The following COL26A1 variants were observed in gnomAD, a reference collection of about 807,000 sequenced individuals.
COL26A1 encodes collagen type XXVI alpha 1 chain.
A neutral mutation model predicts 59.3 loss-of-function variants in COL26A1; 41 were observed. That is an observed-to-expected ratio of 0.69 (90% confidence interval 0.54 to 0.90). The LOEUF (loss-of-function observed/expected upper bound fraction) is 0.90. COL26A1 is among the 40% of genes least tolerant of loss of function. The pLI is 0.00. For synonymous variants in COL26A1, 266 were observed against 256.0 expected, an observed-to-expected ratio of 1.04 and a Z score of -0.37; for missense variants, 612 against 602.3, an observed-to-expected ratio of 1.02 and a Z score of -0.17.
intron 3 of COL26A1, among the ~76,000 whole-genome samples, chr7:101,492,919 G>T (rs1454584164): frequency 1.3e-5 from 2 of 151,386 alleles, no homozygotes; most frequent in Non-Finnish European, 2.9e-5. Context: ...TTTGATAGGG[G>T]TCTTGCTGTG....
At chr7:101,410,363 G>A (rs937884903) in intron 1 of COL26A1, among the ~76,000 whole-genome samples, 5 of 152,166 alleles carry the variant, frequency 3.3e-5, no homozygotes, top group South Asian at 2.1e-4. Context: ...TTGTTTTACC[G>A]TACCTGCATC....
chr7:101,398,323 T>C (rs1414442684), intron 1 of COL26A1, among the ~76,000 whole-genome samples: 2 of 152,182 alleles, frequency 1.3e-5, no homozygotes, highest in Non-Finnish European at 1.5e-5. Flanking sequence ...TTAGCCAATG[T>C]CACCTGGGAA....
At chr7:101,391,854 CTTTCTTTTCTTTTCT>C (rs139380820) in intron 1 of COL26A1, among the ~76,000 whole-genome samples, 57 of 149,352 alleles carry the variant, frequency 3.8e-4, no homozygotes, top group Admixed American at 7.4e-4. Context: ...CATGCCAAGC[CTTTCTTTTCTTTTCT>C]TTTCTTTTCT....
chr7:101,377,117 G>C (rs10281669), intron 1 of COL26A1, among the ~76,000 whole-genome samples: 9,051 of 152,046 alleles, frequency 0.06, 602 homozygotes, highest in African/African-American at 0.16. Context: ...CCTCGGCCTC[G>C]CAAAGTGCTG....
At chr7:101,376,192 G>C (rs767607560) in intron 1 of COL26A1, among the ~76,000 whole-genome samples, 9 of 150,068 alleles carry the variant, frequency 6.0e-5, no homozygotes, top group Admixed American at 1.3e-4. Flanking sequence ...AATGCTTATA[G>C]TCCCAGCTAC....
At chr7:101,509,180 C>T (rs1794871132) in intron 3 of COL26A1, among the ~76,000 whole-genome samples, 1 of 152,028 alleles carries the variant, frequency 6.6e-6, no homozygotes, top group African/African-American at 2.4e-5. Flanking sequence ...CATGGTGGTT[C>T]GTGTCTGTAA....
chr7:101,397,041 C>T (rs115410920), intron 1 of COL26A1, among the ~76,000 whole-genome samples: 2,643 of 152,218 alleles, frequency 0.017, 69 homozygotes, highest in African/African-American at 0.061. Flanking sequence ...GATGGAGAGA[C>T]ATGGCCAAAG....
chr7:101,533,460 G>A (rs1795412590), intron 4 of COL26A1, among the ~76,000 whole-genome samples: 2 of 152,192 alleles, frequency 1.3e-5, no homozygotes, highest in East Asian at 1.9e-4. Context: ...GTCCCTCCAG[G>A]GCCACTGTTC....
intron 1 of COL26A1, among the ~76,000 whole-genome samples, chr7:101,394,852 C>T (rs1440482504): frequency 6.9e-6 from 1 of 145,168 alleles, no homozygotes; most frequent in Non-Finnish European, 1.5e-5. Flanking sequence ...TTCCATAAAG[C>T]GGTTTCTTTT....
chr7:101,377,746 C>T (rs927547206), intron 1 of COL26A1, among the ~76,000 whole-genome samples: 4 of 152,106 alleles, frequency 2.6e-5, no homozygotes, highest in African/African-American at 2.4e-5. Flanking sequence ...TTCTGAAGGA[C>T]CCACAGTTAA....
chr7:101,363,260 G>A, intron 1 of COL26A1, 70 bp downstream of exon 1: 1 of 1,270,864 alleles, frequency 7.9e-7, no homozygotes, highest in Non-Finnish European at 1.0e-6. Context: ...CTGGCCACTG[G>A]GTGGCTGGAG....
intron 2 of COL26A1, among the ~76,000 whole-genome samples, chr7:101,446,080 G>A (rs1459075792): frequency 1.6e-5 from 2 of 125,798 alleles, no homozygotes; most frequent in Non-Finnish European, 3.8e-5. Context: ...AGACAGTGAT[G>A]GGGGAGGCGC....
chr7:101,448,506 T>C (rs1422396259), intron 3 of COL26A1, among the ~76,000 whole-genome samples: 1 of 152,036 alleles, frequency 6.6e-6, no homozygotes, highest in Non-Finnish European at 1.5e-5. Flanking sequence ...TTCTTTTTTT[T>C]TTTTGAGACA....
intron 2 of COL26A1, among the ~76,000 whole-genome samples, chr7:101,441,457 G>A (rs532751370): frequency 8.5e-5 from 13 of 152,152 alleles, no homozygotes; most frequent in Admixed American, 7.9e-4. Context: ...GATTACAGGC[G>A]CCCACCACCA....
At chr7:101,406,111 A>G (rs540246304) in intron 1 of COL26A1, among the ~76,000 whole-genome samples, 2 of 152,276 alleles carry the variant, frequency 1.3e-5, no homozygotes, top group East Asian at 3.9e-4. Flanking sequence ...CCTGGAAACC[A>G]TGTCATCGCC....
chr7:101,462,291 C>T (rs1474489466), intron 3 of COL26A1, among the ~76,000 whole-genome samples: 1 of 151,826 alleles, frequency 6.6e-6, no homozygotes, highest in East Asian at 1.9e-4. Context: ...AGCCACCGCA[C>T]CCAGCCTCAG....
intron 3 of COL26A1, among the ~76,000 whole-genome samples, chr7:101,479,753 A>G (rs949926188): frequency 2.0e-5 from 3 of 150,208 alleles, no homozygotes; most frequent in African/African-American, 7.4e-5. Flanking sequence ...TGTTTCTGGA[A>G]CTCCTTTTAT....
At chr7:101,451,678 T>A (rs1793341163) in intron 3 of COL26A1, among the ~76,000 whole-genome samples, 1 of 151,218 alleles carries the variant, frequency 6.6e-6, no homozygotes, top group Non-Finnish European at 1.5e-5. Context: ...TTGTGGTTAT[T>A]GTCTCTACTG....
At chr7:101,435,325 A>C (rs1436697314) in intron 2 of COL26A1, among the ~76,000 whole-genome samples, 1 of 152,160 alleles carries the variant, frequency 6.6e-6, no homozygotes, top group Non-Finnish European at 1.5e-5. Flanking sequence ...TCAATAAAAA[A>C]AGAAGACAGC....
Sources: gnomAD v4.1 joint callset for allele counts (sites outside exome capture counted in the v4.1 genomes callset) on GRCh38, gnomAD v4.1.1 for gene constraint, MANE v1.5 for transcripts, NCBI Gene and HGNC (gene_info 2026-07-23, HGNC 2026-07-21) for gene names.